THOC5: variants seen among roughly 807,000 people sequenced by gnomAD.
THOC5 encodes Fms-interacting protein.
Under a neutral mutation model 92.9 loss-of-function variants are expected in THOC5, and 43 were observed. The ratio of observed to expected loss-of-function variants is 0.46; its 90% CI spans 0.36 to 0.60. The LOEUF (loss-of-function observed/expected upper bound fraction) is 0.60. THOC5 is among the 20% of genes least tolerant of loss of function. The pLI, the probability that THOC5 is intolerant of heterozygous loss-of-function variation, is 0.00. For synonymous variants in THOC5, 296 were observed against 320.1 expected (o/e 0.92, Z 0.80); for missense variants, 659 against 849.4 (o/e 0.78, Z 2.79).
chr22:29,536,808 C>G, intron 6 of THOC5, 70 bp from the exon 7 acceptor site: 1 of 841,090 alleles, frequency 1.2e-6, no homozygotes, highest in Non-Finnish European at 2.1e-6. Flanking sequence ...TGTTCACTGT[C>G]AGACTCCACC....
intron 15 of THOC5, 106 bp from the exon 16 acceptor site, chr22:29,517,472 G>T: frequency 1.1e-6 from 1 of 936,130 alleles, no homozygotes; most frequent in African/African-American, 1.6e-5. Context: ...GGCCCGGCCA[G>T]CTATCCTGGT....
chr22:29,507,220 C>G lies in THOC5; in HGVS notation c.*1237G>C, dbSNP rs571211297. ...CCTGCCTCCCCCTCCACCTCCCCCA[C>G]TTTTTCTGCCTCTGCCATCCCTGAG... is the stretch of plus-strand genomic sequence containing the variant. On this transcript the variant is annotated 3_prime_UTR_variant, in exon 20 of 20. Transcript: ENST00000490103. The G allele has an allele frequency of 6.6e-6, 1 of 152,272 alleles. No individual in the cohort carries two copies. Among genetic ancestry groups the G allele is most frequent in the African/African-American group, 2.4e-5 (1 of 41,426 alleles). The allele number at this position is 152,272 out of a possible 1,614,324, so 9.4% of individuals were successfully genotyped here.
At chr22:29,546,130 G>A (rs2064012880) in intron 2 of THOC5, among the ~76,000 whole-genome samples, 1 of 152,250 alleles carries the variant, frequency 6.6e-6, no homozygotes, top group African/African-American at 2.4e-5. Context: ...CACAGGCCAA[G>A]CTCTAGATTG....
At chr22:29,514,568 G>A (rs905954481) in intron 17 of THOC5, among the ~76,000 whole-genome samples, 24 of 151,438 alleles carry the variant, frequency 1.6e-4, no homozygotes, top group South Asian at 4.2e-4. Flanking sequence ...CGCCCGCCTC[G>A]GCTTCCCAAA....
chr22:29,545,406 G>A (rs2063995719), intron 2 of THOC5, among the ~76,000 whole-genome samples: 1 of 152,100 alleles, frequency 6.6e-6, no homozygotes, highest in Admixed American at 6.5e-5. Flanking sequence ...GTCGCCCAAA[G>A]TCTTAACTCA....
At chr22:29,539,681 C>G (rs1361424962) in intron 5 of THOC5, among the ~76,000 whole-genome samples, 1 of 152,214 alleles carries the variant, frequency 6.6e-6, no homozygotes, top group Non-Finnish European at 1.5e-5. Context: ...CTTATCCATG[C>G]TGTCCAACCT....
intron 15 of THOC5, 75 bp from the exon 16 acceptor site, chr22:29,517,441 G>A (rs1003529031): frequency 9.5e-6 from 13 of 1,370,948 alleles, no homozygotes; most frequent in Non-Finnish European, 1.3e-5. Flanking sequence ...ATCCTCCTGG[G>A]GCTCTCTGAA....
chr22:29,543,434 G>C lies in THOC5; in HGVS notation c.349C>G (p.His117Asp). Reference protein sequence around the residue: ...IRLKKGRDQTHEAKQKVDAYH... With the variant: ...IRLKKGRDQTDEAKQKVDAYH... ...TTAAACCTTTTAACTACTACCTCGT[G>C]GGTCTGATCTCTTCCTTTCTTCAAC... Residue 117 changes from histidine (H) to aspartate (D), a missense_variant, in exon 4 of 20, where the codon CAC becomes GAC. His to Asp is a moderately conservative substitution (Grantham distance 81). Transcript: ENST00000490103. The C allele has an allele frequency of 6.2e-7, 1 of 1,611,422 alleles. No homozygotes were observed. Among genetic ancestry groups the C allele is most frequent in the Non-Finnish European group, 8.5e-7 (1 of 1,177,876 alleles).
chr22:29,524,046 T>C (rs1431386553), intron 12 of THOC5, among the ~76,000 whole-genome samples: 1 of 152,192 alleles, frequency 6.6e-6, no homozygotes, highest in African/African-American at 2.4e-5. Flanking sequence ...GTTTCTCTAT[T>C]TGTAAAAGGA....
At chr22:29,543,060 G>T in intron 4 of THOC5, 104 bp from the exon 5 acceptor site, 1 of 801,472 alleles carries the variant, frequency 1.2e-6, no homozygotes, top group Non-Finnish European at 2.0e-6. Flanking sequence ...AGAAGGGGAT[G>T]GGGCTGGGTG....
chr22:29,532,686 T>C (rs1394876107), intron 7 of THOC5, among the ~76,000 whole-genome samples: 2 of 121,864 alleles, frequency 1.6e-5, no homozygotes, highest in Non-Finnish European at 3.5e-5. Flanking sequence ...CAAAAAATAA[T>C]AAACAAGCAG....
At chr22:29,545,818 G>A (rs1017135433) in intron 2 of THOC5, among the ~76,000 whole-genome samples, 8 of 152,172 alleles carry the variant, frequency 5.3e-5, no homozygotes, top group East Asian at 1.9e-4. Flanking sequence ...GGTGCAAGCC[G>A]TTCGTGGATC....
intron 8 of THOC5, 39 bp from the exon 9 acceptor site, chr22:29,529,278 G>A (rs771769277): frequency 2.5e-6 from 4 of 1,609,862 alleles, no homozygotes; most frequent in Non-Finnish European, 2.6e-6. Flanking sequence ...AAGCTGCTGA[G>A]GAAAGCTGCT....
At chr22:29,541,859 TCC>T (rs1452859687) in intron 5 of THOC5, among the ~76,000 whole-genome samples, 2 of 34,314 alleles carry the variant, frequency 5.8e-5, no homozygotes, top group Admixed American at 3.3e-4. Context: ...AGACTCCATC[TCC>T]AAAAAAAAAA....
chr22:29,528,449 C>CTGTATGTTGTTACGGTTA lies in THOC5; in HGVS notation c.942_943insTAACCGTAACAACATACA (p.Ser314_Asp315insTer). 6.2e-7 allele frequency: 1 copy of CTGTATGTTGTTACGGTTA among 1,613,542 alleles called. No individual in the cohort carries two copies. ...ACCGTAGTCTGCTCCTCCTCGGCAT[C>CTGTATGTTGTTACGGTTA]TGAGTCACTCTCGTCATCTGCAGCC... On this transcript the variant is annotated stop_gained and inframe_insertion, in exon 10 of 20. Coordinates refer to ENST00000490103, the MANE Select transcript of THOC5 (RefSeq NM_003678.5). LOFTEE classifies it high-confidence loss of function.
chr22:29,518,520 G>A (rs1040599965), intron 15 of THOC5, among the ~76,000 whole-genome samples: 2 of 152,164 alleles, frequency 1.3e-5, no homozygotes, highest in Non-Finnish European at 2.9e-5. Context: ...TGGGGAACAC[G>A]AGGTCAGTAG....
chr22:29,514,897 G>C (rs2063304271), intron 17 of THOC5, among the ~76,000 whole-genome samples: 1 of 151,716 alleles, frequency 6.6e-6, no homozygotes, highest in Non-Finnish European at 1.5e-5. Context: ...GTAGAGACAG[G>C]GTTTGCTATG....
At chr22:29,523,092 A>G (rs1313531308) in intron 12 of THOC5, among the ~76,000 whole-genome samples, 1 of 151,264 alleles carries the variant, frequency 6.6e-6, no homozygotes, top group Non-Finnish European at 1.5e-5. Flanking sequence ...AAATACAAAA[A>G]TCAGCCAGGC....
chr22:29,544,848 T>C (rs1440277919), intron 2 of THOC5, among the ~76,000 whole-genome samples: 1 of 152,238 alleles, frequency 6.6e-6, no homozygotes, highest in African/African-American at 2.4e-5. Context: ...CAGAGGAGTA[T>C]CAAAAAGAAA....
Sources: allele counts gnomAD v4.1 joint callset (sites outside exome capture counted in the v4.1 genomes callset), GRCh38; gene constraint gnomAD v4.1.1; transcripts MANE v1.5; gene names NCBI Gene and HGNC (gene_info 2026-07-23, HGNC 2026-07-21).